The following OXSR1 variants were observed in gnomAD, a reference collection of about 807,000 sequenced individuals.
The protein encoded by OXSR1 is oxidative stress responsive kinase 1.
Under a neutral mutation model 79.8 loss-of-function variants are expected in OXSR1, and 24 were observed. That is an observed-to-expected ratio of 0.30 (90% confidence interval 0.22 to 0.42). The LOEUF (loss-of-function observed/expected upper bound fraction) is 0.42, where lower values mean the gene tolerates loss of function less well. Among genes scored for constraint, OXSR1 ranks in the 10% least tolerant of loss-of-function variants. The pLI is 1.00. For synonymous variants in OXSR1, 226 were observed against 209.2 expected (o/e 1.08, Z -0.69); for missense variants, 430 against 618.4 (o/e 0.70, Z 3.23).
intron 14 of OXSR1, 128 bp from the exon 15 acceptor site, chr3:38,249,838 A>C (rs1703218883): frequency 3.0e-6 from 2 of 667,480 alleles, no homozygotes; most frequent in Admixed American, 2.7e-5. Context: ...AACATATCTG[A>C]ATACATCATA....
At chr3:38,170,765 T>C (rs1701565412) in intron 1 of OXSR1, among the ~76,000 whole-genome samples, 1 of 152,158 alleles carries the variant, frequency 6.6e-6, no homozygotes, top group African/African-American at 2.4e-5. Context: ...GGTCATTGTC[T>C]CACAGATTAA....
chr3:38,252,420 C>T (rs780644524), intron 17 of OXSR1, 28 bp downstream of exon 17: 17 of 1,499,876 alleles, frequency 1.1e-5, no homozygotes, highest in Non-Finnish European at 1.5e-5. Context: ...CTTGTGAAAA[C>T]ATCTTGCCTT....
At chr3:38,250,304 A>C (rs1005504050) in intron 15 of OXSR1, 8 of 294,112 alleles carry the variant, frequency 2.7e-5, no homozygotes, top group Non-Finnish European at 6.3e-6. Context: ...TTCTCACAGC[A>C]GTCTACTAAG....
At chr3:38,213,159 G>T (rs1325303815) in intron 4 of OXSR1, among the ~76,000 whole-genome samples, 1 of 152,090 alleles carries the variant, frequency 6.6e-6, no homozygotes, top group Admixed American at 6.6e-5. Flanking sequence ...TGTATATATG[G>T]CTTTAAAAAT....
At chr3:38,211,144 A>T (rs1489396379) in intron 4 of OXSR1, among the ~76,000 whole-genome samples, 1 of 152,178 alleles carries the variant, frequency 6.6e-6, no homozygotes, top group Non-Finnish European at 1.5e-5. Context: ...ACCACCAAAA[A>T]GGAGGCCTAG....
chr3:38,185,918 C>T (rs1254618436), intron 2 of OXSR1, among the ~76,000 whole-genome samples: 1 of 137,452 alleles, frequency 7.3e-6, no homozygotes, highest in Non-Finnish European at 1.5e-5. Context: ...GCATGCCAGC[C>T]TGGGTGACAC....
chr3:38,202,924 C>A (rs199403), intron 4 of OXSR1, among the ~76,000 whole-genome samples: 1 of 152,044 alleles, frequency 6.6e-6, no homozygotes, highest in Non-Finnish European at 1.5e-5. Flanking sequence ...AGGGAGTCTC[C>A]TTTCCTTGGA....
At chr3:38,199,273 C>CT (rs762400923) in intron 4 of OXSR1, among the ~76,000 whole-genome samples, 384 of 142,446 alleles carry the variant, frequency 2.7e-3, no homozygotes, top group South Asian at 8.9e-3. Context: ...AGCCTTTTTT[C>CT]TTTTTTTTTT....
chr3:38,211,698 T>C (rs1019001702), intron 4 of OXSR1, among the ~76,000 whole-genome samples: 1 of 152,220 alleles, frequency 6.6e-6, no homozygotes, highest in Non-Finnish European at 1.5e-5. Context: ...ACCTGTGGAT[T>C]TGAAAACCTG....
At chr3:38,193,836 T>G (rs1473971416) in intron 3 of OXSR1, among the ~76,000 whole-genome samples, 2 of 152,206 alleles carry the variant, frequency 1.3e-5, no homozygotes, top group African/African-American at 4.8e-5. Flanking sequence ...GTCATAACTC[T>G]TTTTATAAGT....
At chr3:38,200,535 G>T (rs1702146037) in intron 4 of OXSR1, among the ~76,000 whole-genome samples, 1 of 152,096 alleles carries the variant, frequency 6.6e-6, no homozygotes, top group South Asian at 2.1e-4. Flanking sequence ...CATTTAAAGG[G>T]GAGGAACAGG....
chr3:38,178,426 T>C (rs971866242), intron 1 of OXSR1, among the ~76,000 whole-genome samples: 2 of 151,954 alleles, frequency 1.3e-5, no homozygotes, highest in African/African-American at 4.8e-5. Context: ...TAGTTATATG[T>C]GTAAATCATA....
At chr3:38,208,684 T>C (rs1482891919) in intron 4 of OXSR1, among the ~76,000 whole-genome samples, 1 of 152,088 alleles carries the variant, frequency 6.6e-6, no homozygotes, top group Non-Finnish European at 1.5e-5. Context: ...TGGTGGATCA[T>C]GAGGTCAGGA....
chr3:38,192,186 T>C (rs531762178), intron 3 of OXSR1, among the ~76,000 whole-genome samples: 1 of 152,316 alleles, frequency 6.6e-6, no homozygotes, highest in African/African-American at 2.4e-5. Context: ...ACTCTATTCT[T>C]TTTGATATGC....
intron 6 of OXSR1, among the ~76,000 whole-genome samples, chr3:38,223,438 G>A (rs758487973): frequency 2.0e-5 from 3 of 149,678 alleles, no homozygotes; most frequent in Non-Finnish European, 1.5e-5. Flanking sequence ...CACCTCAGAA[G>A]CTAACTTTTT....
chr3:38,223,046 C>T (rs909551482), intron 6 of OXSR1, among the ~76,000 whole-genome samples: 1 of 151,952 alleles, frequency 6.6e-6, no homozygotes, highest in Non-Finnish European at 1.5e-5. Context: ...TTTGTATTAC[C>T]AAATATATTT....
chr3:38,227,223 T>C (rs753872942), intron 8 of OXSR1, among the ~76,000 whole-genome samples: 1 of 152,202 alleles, frequency 6.6e-6, no homozygotes, highest in Non-Finnish European at 1.5e-5. Context: ...CCAGGCACTG[T>C]GGTAAACACT....
At chr3:38,179,367 A>G (rs1163733116) in intron 1 of OXSR1, among the ~76,000 whole-genome samples, 4 of 151,938 alleles carry the variant, frequency 2.6e-5, no homozygotes, top group African/African-American at 9.7e-5. Flanking sequence ...GGGTCTTGCC[A>G]TGTTGCCCAT....
chr3:38,198,963 A>G (rs1387437297), intron 4 of OXSR1, 100 bp downstream of exon 4: 8 of 992,670 alleles, frequency 8.1e-6, no homozygotes, highest in Non-Finnish European at 1.2e-5. Context: ...AGCTCTTTGT[A>G]TCACTAGTTT....
Sources: gnomAD v4.1 joint callset for allele counts (sites outside exome capture counted in the v4.1 genomes callset) on GRCh38, gnomAD v4.1.1 for gene constraint, MANE v1.5 for transcripts, NCBI Gene and HGNC (gene_info 2026-07-23, HGNC 2026-07-21) for gene names.